Variants in PKD2 observed in about 807,000 individuals in gnomAD.
The protein encoded by PKD2 is polycystin 2, transient receptor potential cation channel.
PKD2 carries 48 observed loss-of-function variants against 105.9 expected under a neutral mutation model. The ratio of observed to expected loss-of-function variants is 0.45; its 90% CI spans 0.36 to 0.58. The LOEUF is 0.58. PKD2 is among the 20% of genes least tolerant of loss of function. The pLI is 0.00. For missense variants in PKD2, 1,078 were observed against 1,255.3 expected, an observed-to-expected ratio of 0.86 and a Z score of 2.13; for synonymous variants, 464 against 481.1, an observed-to-expected ratio of 0.96 and a Z score of 0.46.
intron 7 of PKD2, 95 bp from the exon 8 acceptor site, chr4:88,055,991 T>C: frequency 1.1e-6 from 1 of 872,766 alleles, no homozygotes; most frequent in Admixed American, 1.7e-5. Flanking sequence ...CCTGTCAGAA[T>C]TTAATTTCTT....
intron 3 of PKD2, 67 bp from the exon 4 acceptor site, chr4:88,038,184 G>C (rs565148053): frequency 1.3e-6 from 2 of 1,548,852 alleles, no homozygotes; most frequent in Admixed American, 3.3e-5. Context: ...TTATGCAAAC[G>C]ATGCAGGCAG....
intron 8 of PKD2, 57 bp from the exon 9 acceptor site, chr4:88,057,925 CA>C: frequency 7.7e-7 from 1 of 1,303,706 alleles, no homozygotes; most frequent in Non-Finnish European, 1.1e-6. Context: ...AGAAATGTTG[CA>C]TCAACTAGTG....
chr4:88,032,864 A>G lies in PKD2; in HGVS notation c.710-3356A>G, dbSNP rs1280562627. 2.0e-5 allele frequency among the ~76,000 whole-genome samples: 3 copies of G among 152,182 alleles called. No individual in the cohort carries two copies. The East Asian group carries it at 5.8e-4, about 29-fold the overall frequency. ...TATTATTCTCATTGTCTAGATTCCA[A>G]AATCAGGCTTAGAGGAGTTAAATAG... is the stretch of plus-strand genomic sequence containing the variant. On this transcript the variant is annotated intron_variant, in intron 2 of 14. Transcript: ENST00000237596.
intron 1 of PKD2, among the ~76,000 whole-genome samples, chr4:88,012,869 T>A (rs1726433364): frequency 6.6e-6 from 1 of 152,176 alleles, no homozygotes. Context: ...AGCATAGTAT[T>A]TTCAAGGTTT....
intron 13 of PKD2, among the ~76,000 whole-genome samples, chr4:88,070,574 TTATATATATATA>T (rs57470805): frequency 1.1e-3 from 124 of 113,928 alleles, no homozygotes; most frequent in African/African-American, 3.7e-3. Context: ...TTTATTTATT[TTATATATATATA>T]TATATATATA....
chr4:88,055,313 C>T (rs1482634281), intron 7 of PKD2, among the ~76,000 whole-genome samples: 1 of 152,156 alleles, frequency 6.6e-6, no homozygotes, highest in East Asian at 1.9e-4. Context: ...ACAAGAATTT[C>T]CTGGGGGGTT....
intron 5 of PKD2, among the ~76,000 whole-genome samples, chr4:88,045,225 C>T (rs1375157875): frequency 6.6e-6 from 1 of 152,218 alleles, no homozygotes; most frequent in East Asian, 1.9e-4. Context: ...AGAGAAATGA[C>T]TTGACACTTG....
intron 13 of PKD2, 32 bp downstream of exon 13, chr4:88,068,093 T>C: frequency 1.3e-6 from 2 of 1,581,734 alleles, no homozygotes; most frequent in South Asian, 2.2e-5. Context: ...GAATTTGCGT[T>C]GACAAGAGTC....
intron 7 of PKD2, 125 bp downstream of exon 7, chr4:88,052,283 C>T (rs995351942): frequency 1.5e-6 from 1 of 685,092 alleles, no homozygotes. Context: ...TCAATATTTA[C>T]TTTGAGACAG....
chr4:88,070,862 C>T (rs1002259300), intron 13 of PKD2, among the ~76,000 whole-genome samples: 4 of 151,486 alleles, frequency 2.6e-5, no homozygotes, highest in African/African-American at 7.3e-5. Context: ...CTCAAACTCC[C>T]GGCCTCAAGT....
chr4:88,015,178 A>G (rs963193879), intron 1 of PKD2, among the ~76,000 whole-genome samples: 1 of 152,194 alleles, frequency 6.6e-6, no homozygotes. Context: ...TAATTCCAAA[A>G]TAATTGGGGT....
chr4:88,053,427 G>A (rs1419721759), intron 7 of PKD2, among the ~76,000 whole-genome samples: 3 of 152,104 alleles, frequency 2.0e-5, no homozygotes, highest in Non-Finnish European at 4.4e-5. Context: ...TTGGGAGGCC[G>A]AGATAGGTCC....
At chr4:88,027,970 A>G (rs1004218577) in intron 2 of PKD2, among the ~76,000 whole-genome samples, 3 of 152,200 alleles carry the variant, frequency 2.0e-5, no homozygotes, top group African/African-American at 4.8e-5. Context: ...CTTCCTGCCT[A>G]TTCTCAGGCA....
At chr4:88,051,962 TAATAA>T (rs1419676279) in intron 6 of PKD2, 24 bp from the exon 7 acceptor site, 9 of 1,276,540 alleles carry the variant, frequency 7.1e-6, no homozygotes, top group East Asian at 2.4e-5. Flanking sequence ...TAAAACACTG[TAATAA>T]AATATAAATA....
chr4:88,040,419 C>T (rs2725215), intron 4 of PKD2, among the ~76,000 whole-genome samples: 12,866 of 152,192 alleles, frequency 0.085, 703 homozygotes, highest in East Asian at 0.25. Flanking sequence ...TGGATGCATT[C>T]GAGTGATTTC....
In PKD2 at chr4:88,038,304, C is replaced by T. The variant is rs1727415606; in HGVS notation, c.897C>T (p.Asn299=). 2 of 1,613,748 alleles carry T rather than the reference C, an allele frequency of 1.2e-6. No homozygotes were observed. The highest frequency in any genetic ancestry group is 1.7e-5 in the Admixed American group (1 of 59,982). ...TGTACTGGAAGATGCAGCCCAGCAA[C>T]CAGACTGAAGCTGACAACCGAAGTT... ...DGLYWKMQPS[N]QTEADNRSFI... Residue 299 remains asparagine, a synonymous_variant, in exon 4 of 15, where the codon AAC becomes AAT. Transcript: ENST00000237596.
In PKD2 at chr4:88,056,238, C is replaced by T. The variant is rs148228357; in HGVS notation, c.1869C>T (p.Val623=). Residue 623 remains valine, a synonymous_variant, in exon 8 of 15, where the codon GTC becomes GTT. Transcript: ENST00000237596. ...QLAYLVFGTQ[V]DDFSTFQECI... The stretch of plus-strand genomic sequence containing the variant: ...CATACCTTGTCTTTGGCACTCAGGT[C>T]GATGACTTCAGTACTTTCCAAGAGT... The T allele has an allele frequency of 1.9e-5, 30 of 1,612,516 alleles. No individual in the cohort carries two copies. The highest frequency in any genetic ancestry group is 2.3e-5 in the Non-Finnish European group (27 of 1,178,874).
At chr4:88,025,595 C>T (rs185353007) in intron 2 of PKD2, among the ~76,000 whole-genome samples, 2 of 143,214 alleles carry the variant, frequency 1.4e-5, no homozygotes, top group African/African-American at 5.2e-5. Context: ...GCCTGGGTGA[C>T]AGAGCAAGAC....
chr4:88,025,971 C>T lies in PKD2; in HGVS notation c.709+6400C>T, dbSNP rs540624698. On this transcript the variant is annotated intron_variant, in intron 2 of 14. Transcript: ENST00000237596. The stretch of plus-strand genomic sequence containing the variant: ...CATTTGGAACTGTAAGTCAATTAAA[C>T]CTCTTTCCTTTATAAATTACCGAGT... Among the ~76,000 whole-genome samples the T allele has an allele frequency of 3.3e-5, 5 of 152,300 alleles. No individual in the cohort carries two copies. In the East Asian group the frequency reaches 9.6e-4, roughly 29 times the overall value.
Sources: allele counts gnomAD v4.1 joint callset (sites outside exome capture counted in the v4.1 genomes callset), GRCh38; gene constraint gnomAD v4.1.1; transcripts MANE v1.5; gene names NCBI Gene and HGNC (gene_info 2026-07-23, HGNC 2026-07-21).